The following SPON1 variants were observed in gnomAD, a reference collection of about 807,000 sequenced individuals.
The protein encoded by SPON1 is spondin 1.
A neutral mutation model predicts 111.7 loss-of-function variants in SPON1; 52 were observed. That is an observed-to-expected ratio of 0.47 (90% CI 0.37 to 0.59). SPON1 has a LOEUF of 0.59. Among genes scored for constraint, SPON1 ranks in the 20% least tolerant of loss-of-function variants. SPON1 has a pLI of 0.00. For synonymous variants in SPON1, 410 were observed against 395.8 expected (o/e 1.04, Z -0.43); for missense variants, 957 against 1,068.5 (o/e 0.90, Z 1.46).
chr11:14,212,081 A>T lies in SPON1; in HGVS notation c.826-31251A>T, dbSNP rs180985479. ...CTTTTGACATATATTGAAATAGATT[A>T]TGTCATCTAATGTTAATATAATGTT... On this transcript the variant is annotated intron_variant, in intron 6 of 15. Coordinates refer to ENST00000576479, the MANE Select transcript of SPON1 (RefSeq NM_006108.4). 8.0e-4 allele frequency among the ~76,000 whole-genome samples: 121 copies of T among 152,038 alleles called. 1 individual carries two copies. The highest frequency in any genetic ancestry group is 1.2e-3 in the Non-Finnish European group (79 of 67,976).
At chr11:14,017,925 A>G (rs1848454899) in intron 2 of SPON1, among the ~76,000 whole-genome samples, 1 of 152,212 alleles carries the variant, frequency 6.6e-6, no homozygotes, top group Non-Finnish European at 1.5e-5. Flanking sequence ...TATTGATCAA[A>G]CTAATGAGTC....
At chr11:14,006,840 A>C (rs1464196320) in intron 2 of SPON1, among the ~76,000 whole-genome samples, 2 of 152,208 alleles carry the variant, frequency 1.3e-5, no homozygotes, top group Non-Finnish European at 2.9e-5. Context: ...TGGCCAGTTC[A>C]CATCATGCTA....
chr11:14,258,911 C>G (rs1469244042), intron 11 of SPON1, among the ~76,000 whole-genome samples: 4 of 152,158 alleles, frequency 2.6e-5, no homozygotes, highest in Non-Finnish European at 4.4e-5. Flanking sequence ...CTTAACCTCC[C>G]CTTCCACAGG....
chr11:14,099,632 GA>G (rs1849128156), intron 5 of SPON1, among the ~76,000 whole-genome samples: 1 of 152,134 alleles, frequency 6.6e-6, no homozygotes, highest in African/African-American at 2.4e-5. Flanking sequence ...AGTAGTCAGA[GA>G]GTTTTGATTT....
intron 5 of SPON1, among the ~76,000 whole-genome samples, chr11:14,134,192 A>G (rs1847564330): frequency 6.6e-6 from 1 of 152,176 alleles, no homozygotes; most frequent in Non-Finnish European, 1.5e-5. Flanking sequence ...ATGCCTGAAA[A>G]TGTTATTTAA....
At chr11:14,190,360 C>T (rs1215380866) in intron 6 of SPON1, among the ~76,000 whole-genome samples, 2 of 152,156 alleles carry the variant, frequency 1.3e-5, no homozygotes, top group African/African-American at 2.4e-5. Flanking sequence ...TATTTCAAAT[C>T]AATATTTATT....
At chr11:14,190,251 C>T (rs1002822817) in intron 6 of SPON1, among the ~76,000 whole-genome samples, 17 of 152,182 alleles carry the variant, frequency 1.1e-4, no homozygotes, top group Non-Finnish European at 4.4e-5. Flanking sequence ...AGCCTGAAAG[C>T]AGGTCTTTCA....
chr11:14,088,149 A>ATTT (rs1849021551), intron 5 of SPON1, among the ~76,000 whole-genome samples: 1 of 152,106 alleles, frequency 6.6e-6, no homozygotes, highest in Non-Finnish European at 1.5e-5. Context: ...TAATATTGTT[A>ATTT]TGTGTGAGTT....
At chr11:14,113,140 C>G (rs782427063) in intron 5 of SPON1, among the ~76,000 whole-genome samples, 12 of 152,172 alleles carry the variant, frequency 7.9e-5, no homozygotes, top group Non-Finnish European at 1.8e-4. Context: ...CCTGTTGCCC[C>G]CTTACTGCAA....
At chr11:14,171,330 T>C (rs10832225) in intron 6 of SPON1, among the ~76,000 whole-genome samples, 89,070 of 151,966 alleles carry the variant, frequency 0.59, 26,358 homozygotes, top group East Asian at 0.65. Flanking sequence ...TCTGTGGGAT[T>C]GGTACTGATA....
chr11:14,005,014 G>T (rs1554912934), intron 2 of SPON1, among the ~76,000 whole-genome samples: 1 of 152,108 alleles, frequency 6.6e-6, no homozygotes, highest in African/African-American at 2.4e-5. Flanking sequence ...TCACTGTGTT[G>T]CCCAGGCTAT....
rs996439339 is a variant in SPON1 at position 13,963,196 on chromosome 11, C to T, written c.238+54C>T. 8.1e-6 allele frequency: 11 copies of T among 1,352,138 alleles called. No individual in the cohort carries two copies. The African/African-American group carries it at 1.7e-4, about 21-fold the overall frequency. The allele number at this position is 1,352,138 out of a possible 1,614,324, so 83.8% of individuals were successfully genotyped here. A position where few individuals can be genotyped will look rare whatever the true frequency, so the allele number is the denominator to read the frequency against. On this transcript the variant is annotated intron_variant, in intron 1 of 15. Coordinates refer to ENST00000576479, the MANE Select transcript of SPON1 (RefSeq NM_006108.4). ...AGAGCGGGACCCGGTCCCCGGAGGG[C>T]GCCGACCTCGCGGTGCCGGAGGAGG...
At chr11:14,127,128 G>A (rs894000414) in intron 5 of SPON1, among the ~76,000 whole-genome samples, 61 of 151,740 alleles carry the variant, frequency 4.0e-4, no homozygotes, top group Non-Finnish European at 7.4e-4. Context: ...TATTTTATGC[G>A]CCAGCCACTA....
At chr11:14,174,713 A>G (rs1554932927) in intron 6 of SPON1, among the ~76,000 whole-genome samples, 1 of 152,132 alleles carries the variant, frequency 6.6e-6, no homozygotes, top group Non-Finnish European at 1.5e-5. Context: ...AATTGAGAAG[A>G]AAAAACCTTT....
At chr11:14,018,446 G>A (rs1008935059) in intron 2 of SPON1, among the ~76,000 whole-genome samples, 1 of 152,204 alleles carries the variant, frequency 6.6e-6, no homozygotes, top group Non-Finnish European at 1.5e-5. Flanking sequence ...CTAGTTTAAT[G>A]ATGCCAGTAA....
At chr11:14,165,158 C>T (rs1848013526) in intron 6 of SPON1, among the ~76,000 whole-genome samples, 1 of 152,146 alleles carries the variant, frequency 6.6e-6, no homozygotes, top group Admixed American at 6.5e-5. Flanking sequence ...AAGTTTCTCC[C>T]AAAGTTAGTT....
chr11:14,169,565 T>C (rs543169245), intron 6 of SPON1, among the ~76,000 whole-genome samples: 2,405 of 151,770 alleles, frequency 0.016, 31 homozygotes, highest in Middle Eastern at 0.024. Flanking sequence ...AGACATGAAG[T>C]CCTTGCCCAT....
intron 5 of SPON1, among the ~76,000 whole-genome samples, chr11:14,105,153 T>G (rs1849175217): frequency 6.6e-6 from 1 of 152,158 alleles, no homozygotes; most frequent in Non-Finnish European, 1.5e-5. Context: ...AGTGGATCTT[T>G]TCTTTTTCTA....
Position 14,266,062 on chromosome 11 carries a change from G to A in SPON1, c.*375G>A, listed in dbSNP as rs1387868602. ...CTGAGTCCCAGGGTGCGGCAGGTAG[G>A]AAACATTCACAGATGAAGACAGCAG... On this transcript the variant is annotated 3_prime_UTR_variant, in exon 16 of 16. Transcript: ENST00000576479. 5.7e-6 allele frequency: 1 copy of A among 174,894 alleles called. No homozygotes were observed. Among genetic ancestry groups the A allele is most frequent in the African/African-American group, 2.4e-5 (1 of 42,256 alleles). The allele number at this position is 174,894 out of a possible 1,614,324, so 10.8% of individuals were successfully genotyped here. A position where few individuals can be genotyped will look rare whatever the true frequency, so the allele number is the denominator to read the frequency against.
Sources: allele counts gnomAD v4.1 joint callset (sites outside exome capture counted in the v4.1 genomes callset), GRCh38; gene constraint gnomAD v4.1.1; transcripts MANE v1.5; gene names NCBI Gene and HGNC (gene_info 2026-07-23, HGNC 2026-07-21).